Variants in SCN3A observed in about 807,000 individuals in gnomAD.
The protein encoded by SCN3A is sodium channel protein type 3 subunit alpha.
Under a neutral mutation model 187.6 loss-of-function variants are expected in SCN3A, and 60 were observed. That is an observed-to-expected ratio of 0.32 (90% CI 0.26 to 0.40). SCN3A has a LOEUF of 0.40. Among genes scored for constraint, SCN3A ranks in the 10% least tolerant of loss-of-function variants. SCN3A has a pLI of 1.00. For missense variants in SCN3A, 1,601 were observed against 2,428.2 expected, an observed-to-expected ratio of 0.66 and a Z score of 7.16; for synonymous variants, 788 against 829.2, an observed-to-expected ratio of 0.95 and a Z score of 0.85.
intron 26 of SCN3A, 52 bp downstream of exon 26, chr2:165,094,322 G>T (rs1488528292): frequency 8.0e-7 from 1 of 1,256,542 alleles, no homozygotes; most frequent in South Asian, 1.2e-5. Flanking sequence ...TGCTCAATTT[G>T]ACCATATGGA....
At chr2:165,163,449 G>A (rs1048951831) in intron 7 of SCN3A, among the ~76,000 whole-genome samples, 169 bp downstream of exon 7, 6 of 151,978 alleles carry the variant, frequency 3.9e-5, no homozygotes, top group African/African-American at 1.5e-4. Context: ...TTATAAATAC[G>A]CATGTAATTT....
chr2:165,106,305 G>A (rs1317245066), intron 21 of SCN3A, among the ~76,000 whole-genome samples: 5 of 152,144 alleles, frequency 3.3e-5, no homozygotes, highest in African/African-American at 1.2e-4. Context: ...GCAATTTAAA[G>A]ATGATTAAAT....
rs1205335706 is a variant in SCN3A at position 165,087,726 on chromosome 2, A to C, written c.*2424T>G. 6.6e-6 allele frequency: 1 copy of C among 152,200 alleles called. No homozygotes were observed. Among genetic ancestry groups the C allele is most frequent in the Non-Finnish European group, 1.5e-5 (1 of 68,020 alleles). The allele number at this position is 152,200 out of a possible 1,614,324, so 9.4% of individuals were successfully genotyped here. A position where few individuals can be genotyped will look rare whatever the true frequency, so the allele number is the denominator to read the frequency against. ...TATATCATTAATACCTTATGTATAC[A>C]TAGGAGTTTATATAATGCATTTAAG... On this transcript the variant is annotated 3_prime_UTR_variant, in exon 28 of 28. Coordinates refer to ENST00000283254, the MANE Select transcript of SCN3A (RefSeq NM_006922.4).
intron 1 of SCN3A, among the ~76,000 whole-genome samples, chr2:165,201,828 T>G (rs1046698525): frequency 1.3e-5 from 2 of 152,082 alleles, no homozygotes; most frequent in Non-Finnish European, 2.9e-5. Flanking sequence ...AAGTTGTATC[T>G]TAATTAAGCT....
intron 9 of SCN3A, among the ~76,000 whole-genome samples, chr2:165,160,132 A>AAAAAAC (rs1013968091): frequency 9.8e-6 from 1 of 102,384 alleles, no homozygotes; most frequent in African/African-American, 4.9e-5. Context: ...CCGTCTCAAA[A>AAAAAAC]AAAAACAAAA....
In SCN3A at chr2:165,112,949, A is replaced by G. The variant is rs771242025; in HGVS notation, c.3779T>C (p.Val1260Ala). ...IFILEMLLKW[V>A]AYGFQTYFTN... Reference sequence around the variant, plus strand: ...GAAATATGTTTGAAATCCATAAGCAACCCATTTGAGAAGCATTTCCAGAAT... The same window carrying G: ...GAAATATGTTTGAAATCCATAAGCAGCCCATTTGAGAAGCATTTCCAGAAT... Residue 1260 changes from valine to alanine, a missense_variant, in exon 21 of 28, where the codon GTT (valine) becomes GCT (alanine). Val to Ala is a moderately conservative substitution (Grantham distance 64). Transcript: ENST00000283254. 1.2e-6 allele frequency: 2 copies of G among 1,613,548 alleles called. No individual in the cohort carries two copies. Among genetic ancestry groups the G allele is most frequent in the South Asian group, 1.1e-5 (1 of 91,020 alleles).
chr2:165,114,268 G>T (rs1686254586), intron 19 of SCN3A, among the ~76,000 whole-genome samples: 1 of 152,180 alleles, frequency 6.6e-6, no homozygotes, highest in Non-Finnish European at 1.5e-5. Flanking sequence ...GATGAAAATA[G>T]TCCAGGTGCA....
At chr2:165,156,399 G>A (rs932315289) in intron 9 of SCN3A, among the ~76,000 whole-genome samples, 23 of 150,804 alleles carry the variant, frequency 1.5e-4, no homozygotes, top group African/African-American at 5.1e-4. Flanking sequence ...TGTAGTCCCA[G>A]CTACTCGGGA....
At chr2:165,174,536 C>G (rs2105920273) in intron 3 of SCN3A, among the ~76,000 whole-genome samples, 1 of 152,274 alleles carries the variant, frequency 6.6e-6, no homozygotes, top group African/African-American at 2.4e-5. Flanking sequence ...CTTTTGTTTC[C>G]CCCTTAATCT....
At chr2:165,099,004 T>G (rs1302134166) in intron 22 of SCN3A, among the ~76,000 whole-genome samples, 1 of 152,232 alleles carries the variant, frequency 6.6e-6, no homozygotes, top group Non-Finnish European at 1.5e-5. Context: ...CTTGTCTAAC[T>G]TTCTTTAGCA....
At chr2:165,138,620 T>C (rs945493296) in intron 14 of SCN3A, among the ~76,000 whole-genome samples, 9 of 152,180 alleles carry the variant, frequency 5.9e-5, no homozygotes, top group African/African-American at 1.9e-4. Flanking sequence ...CTTTTTAGTA[T>C]AAATTCAGAC....
chr2:165,131,474 G>A (rs962709633), intron 15 of SCN3A, 57 bp from the exon 16 acceptor site: 24 of 1,227,488 alleles, frequency 2.0e-5, no homozygotes, highest in South Asian at 8.0e-5. Context: ...GATGCTACAC[G>A]AATTTATAAA....
At chr2:165,181,735 A>G (rs2105939820) in intron 2 of SCN3A, among the ~76,000 whole-genome samples, 1 of 152,306 alleles carries the variant, frequency 6.6e-6, no homozygotes, top group East Asian at 1.9e-4. Context: ...TTCAAGTGAA[A>G]GTGGTGTTCC....
chr2:165,127,369 C>T (rs547711954), intron 18 of SCN3A, among the ~76,000 whole-genome samples: 127 of 152,176 alleles, frequency 8.3e-4, no homozygotes, highest in East Asian at 4.3e-3. Flanking sequence ...CCTAAAAGGC[C>T]ACATTTTTTA....
intron 18 of SCN3A, among the ~76,000 whole-genome samples, chr2:165,123,884 G>A (rs1031469475): frequency 1.3e-5 from 2 of 152,074 alleles, no homozygotes; most frequent in Non-Finnish European, 2.9e-5. Context: ...TATCTTGTGT[G>A]TGAGCATATA....
At chr2:165,145,764 T>C (rs559935885) in intron 12 of SCN3A, among the ~76,000 whole-genome samples, 2 of 152,140 alleles carry the variant, frequency 1.3e-5, no homozygotes, top group East Asian at 3.9e-4. Flanking sequence ...ATTAATCTTA[T>C]ATATTATCTC....
chr2:165,170,562 T>A lies in SCN3A; in HGVS notation c.265-14A>T. The stretch of plus-strand genomic sequence containing the variant: ...TACTATAAAAGTCTGAAAAAGAAAA[T>A]ACGAGTAAAATTACTAAATTAGACA... On this transcript the variant is annotated splice_polypyrimidine_tract_variant and intron_variant, in intron 3 of 27. Transcript: ENST00000283254. The A allele has an allele frequency of 1.4e-6, 2 of 1,472,768 alleles. No individual in the cohort carries two copies. Among genetic ancestry groups the A allele is most frequent in the Admixed American group, 1.7e-5 (1 of 59,574 alleles). 91.2% of individuals were successfully genotyped at this position (1,472,768 alleles called of 1,614,324 possible).
intron 1 of SCN3A, among the ~76,000 whole-genome samples, chr2:165,190,219 C>T (rs1691501675): frequency 6.6e-6 from 1 of 152,132 alleles, no homozygotes; most frequent in South Asian, 2.1e-4. Flanking sequence ...GTCTAGGAAG[C>T]CAAGTTGTCC....
chr2:165,139,733 T>A, intron 13 of SCN3A, 125 bp from the exon 14 acceptor site: 1 of 1,159,006 alleles, frequency 8.6e-7, no homozygotes, highest in Non-Finnish European at 1.3e-6. Flanking sequence ...AGGAATAAAA[T>A]ATTGAATTAT....
Sources: allele counts gnomAD v4.1 joint callset (sites outside exome capture counted in the v4.1 genomes callset), GRCh38; gene constraint gnomAD v4.1.1; transcripts MANE v1.5; gene names NCBI Gene and HGNC (gene_info 2026-07-23, HGNC 2026-07-21).